Variants in C11orf65 observed in about 807,000 individuals in gnomAD.
C11orf65 encodes the protein protein MFI.
A neutral mutation model predicts 35.3 loss-of-function variants in C11orf65; 38 were observed. The ratio of observed to expected loss-of-function variants is 1.08; its 90% CI spans 0.83 to 1.41. The LOEUF (loss-of-function observed/expected upper bound fraction) is 1.41, where lower values mean the gene tolerates loss of function less well. Ranked by LOEUF, C11orf65 falls within the 40% of genes most tolerant of loss-of-function variation. The probability of loss-of-function intolerance (pLI) is 0.00; values close to 1 mark genes in which losing one functional copy is unlikely to be tolerated. For missense variants in C11orf65, 370 were observed against 367.1 expected (o/e 1.01, Z -0.06); for synonymous variants, 105 against 114.4 (o/e 0.92, Z 0.53).
intron 6 of C11orf65, chr11:108,310,211 T>A: frequency 6.2e-7 from 1 of 1,613,728 alleles, no homozygotes; most frequent in Non-Finnish European, 8.5e-7. Context: ...ATTTAAATTA[T>A]CTAGAAGTTG....
chr11:108,463,966 A>T (rs1424182746), intron 1 of C11orf65, among the ~76,000 whole-genome samples: 1 of 136,992 alleles, frequency 7.3e-6, no homozygotes, highest in East Asian at 2.1e-4. Flanking sequence ...TTGCTCTGTC[A>T]CCCAGGCTGG....
intron 2 of C11orf65, among the ~76,000 whole-genome samples, chr11:108,375,703 G>C (rs1443591480): frequency 6.6e-6 from 1 of 152,134 alleles, no homozygotes; most frequent in Non-Finnish European, 1.5e-5. Context: ...ATTGGATAAA[G>C]AGTCAAGACC....
At chr11:108,361,956 AT>A (rs1472630415) in intron 2 of C11orf65, among the ~76,000 whole-genome samples, 1 of 139,484 alleles carries the variant, frequency 7.2e-6, no homozygotes, top group Non-Finnish European at 1.6e-5. Flanking sequence ...ATGGGATCTA[AT>A]TAAACTAAAG....
chr11:108,317,283 A>C (rs1591788054), intron 6 of C11orf65: 2 of 1,378,334 alleles, frequency 1.5e-6, no homozygotes, highest in East Asian at 4.9e-5. Context: ...AAATTTGTCT[A>C]AGTTAATTTG....
chr11:108,328,565 T>C (rs2085928744), downstream of C11orf65, among the ~76,000 whole-genome samples: 1 of 152,216 alleles, frequency 6.6e-6, no homozygotes, highest in African/African-American at 2.4e-5. Flanking sequence ...TTAAATTTTA[T>C]AAAGTTCTCT....
At chr11:108,344,626 G>A (rs1275546133) in intron 2 of C11orf65, among the ~76,000 whole-genome samples, 5 of 152,242 alleles carry the variant, frequency 3.3e-5, no homozygotes, top group African/African-American at 9.6e-5. Context: ...GAACTGAGAT[G>A]AACAGCAGTA....
chr11:108,377,659 G>A (rs1038890824), intron 2 of C11orf65, among the ~76,000 whole-genome samples: 27 of 151,082 alleles, frequency 1.8e-4, no homozygotes, highest in African/African-American at 6.6e-4. Flanking sequence ...GGAAATAAAG[G>A]GTATTCAATT....
chr11:108,446,246 G>C (rs1010985353), intron 2 of C11orf65, among the ~76,000 whole-genome samples: 1 of 151,788 alleles, frequency 6.6e-6, no homozygotes, highest in East Asian at 1.9e-4. Flanking sequence ...AATCTAGCAA[G>C]GCAGGCCAAC....
chr11:108,392,073 T>G (rs1178806690), intron 7 of C11orf65, among the ~76,000 whole-genome samples: 1 of 151,926 alleles, frequency 6.6e-6, no homozygotes, highest in Non-Finnish European at 1.5e-5. Context: ...TGTGTGTGTG[T>G]GTCTCGCTCT....
At chr11:108,403,638 T>C (rs2092484039) in intron 6 of C11orf65, among the ~76,000 whole-genome samples, 1 of 152,176 alleles carries the variant, frequency 6.6e-6, no homozygotes, top group South Asian at 2.1e-4. Flanking sequence ...TTTATGGTTT[T>C]TGCTCTTATA....
chr11:108,391,821 G>C (rs2138405246), intron 7 of C11orf65, among the ~76,000 whole-genome samples: 1 of 149,220 alleles, frequency 6.7e-6, no homozygotes, highest in Admixed American at 6.7e-5. Flanking sequence ...GCCTATTCTG[G>C]GTATTTCCTA....
At chr11:108,401,087 T>G (rs2092430373) in intron 6 of C11orf65, among the ~76,000 whole-genome samples, 1 of 151,366 alleles carries the variant, frequency 6.6e-6, no homozygotes, top group Admixed American at 6.6e-5. Flanking sequence ...CCAGCCTGGG[T>G]GACAGAGTGA....
chr11:108,313,958 C>A (rs952663006), intron 6 of C11orf65, among the ~76,000 whole-genome samples: 1 of 152,026 alleles, frequency 6.6e-6, no homozygotes, highest in Non-Finnish European at 1.5e-5. Context: ...AATTTTACAA[C>A]AAAGATTTCA....
chr11:108,449,500 C>A (rs1172691873), intron 2 of C11orf65, among the ~76,000 whole-genome samples: 3 of 151,876 alleles, frequency 2.0e-5, no homozygotes, highest in African/African-American at 4.9e-5. Flanking sequence ...CAACCATCTG[C>A]TCTTTGACAA....
chr11:108,354,746 G>C (rs139490310), intron 2 of C11orf65: 1 of 1,353,822 alleles, frequency 7.4e-7, no homozygotes, highest in Non-Finnish European at 1.1e-6. Context: ...AGAGTATACA[G>C]ATAAAGATAC....
At chr11:108,450,877 C>T (rs1163797264) in intron 2 of C11orf65, among the ~76,000 whole-genome samples, 1 of 151,888 alleles carries the variant, frequency 6.6e-6, no homozygotes, top group Non-Finnish European at 1.5e-5. Context: ...AAATGTAATC[C>T]AGCATATAAA....
chr11:108,391,253 T>C (rs534713482), intron 7 of C11orf65, among the ~76,000 whole-genome samples: 4 of 152,386 alleles, frequency 2.6e-5, no homozygotes, highest in Non-Finnish European at 4.4e-5. Context: ...TGAGTAAATA[T>C]TGAACATTTT....
intron 3 of C11orf65, among the ~76,000 whole-genome samples, chr11:108,424,820 T>C (rs957598439): frequency 2.6e-5 from 4 of 152,206 alleles, no homozygotes; most frequent in African/African-American, 9.6e-5. Context: ...CAGACCACAG[T>C]GCAATCAAAT....
At chr11:108,364,956 T>C in intron 2 of C11orf65, 2 of 1,023,268 alleles carry the variant, frequency 2.0e-6, no homozygotes, top group South Asian at 1.5e-5. Flanking sequence ...GTGTGCATGA[T>C]GTTTGTTCCC....
Sources: allele counts gnomAD v4.1 joint callset (sites outside exome capture counted in the v4.1 genomes callset), GRCh38; gene constraint gnomAD v4.1.1; transcripts MANE v1.5; gene names NCBI Gene and HGNC (gene_info 2026-07-23, HGNC 2026-07-21).